Variants in ST3GAL2 observed in about 807,000 individuals in gnomAD.
The protein encoded by ST3GAL2 is CMP-N-acetylneuraminate-beta-galactosamide-alpha-2,3-sialyltransferase 2.
ST3GAL2 carries 16 observed loss-of-function variants against 37.5 expected under a neutral mutation model. That is an observed-to-expected ratio of 0.43 (90% confidence interval 0.29 to 0.65). The LOEUF (loss-of-function observed/expected upper bound fraction) is 0.65, where lower values mean the gene tolerates loss of function less well. Among genes scored for constraint, ST3GAL2 ranks in the 30% least tolerant of loss-of-function variants. The pLI is 0.17. For missense variants in ST3GAL2, 383 were observed against 487.8 expected (o/e 0.79, Z 2.02); for synonymous variants, 238 against 202.9 (o/e 1.17, Z -1.47).
rs1175147258 is a variant in ST3GAL2, at chr16:70,399,268, G to C, written c.-738C>G. ...CCCAGCCCCAGCTGCAGTTGCGTAG[G>C]GGTCGCAAAGCTCCTACTGTGGCTG... On this transcript the variant is annotated 5_prime_UTR_variant, in exon 2 of 7. Transcript: ENST00000342907. 2.5e-6 allele frequency: 1 copy of C among 398,784 alleles called. No individual in the cohort carries two copies. Among genetic ancestry groups the C allele is most frequent in the Non-Finnish European group, 4.4e-6 (1 of 226,290 alleles). 24.7% of individuals were successfully genotyped at this position (398,784 alleles called of 1,614,324 possible). A position where few individuals can be genotyped will look rare whatever the true frequency, so the allele number is the denominator to read the frequency against.
chr16:70,395,812 G>C (rs1298149981), intron 2 of ST3GAL2, among the ~76,000 whole-genome samples: 1 of 152,208 alleles, frequency 6.6e-6, no homozygotes, highest in Non-Finnish European at 1.5e-5. Flanking sequence ...TGACATGGCA[G>C]GTAAGGTCCA....
At chr16:70,433,316 T>G (rs1043321010) in intron 1 of ST3GAL2, among the ~76,000 whole-genome samples, 4 of 152,140 alleles carry the variant, frequency 2.6e-5, no homozygotes, top group Admixed American at 1.3e-4. Flanking sequence ...TGTCCCCTTA[T>G]GACCCAGCCA....
rs2047531133 is a variant in ST3GAL2, at chr16:70,398,307, C to T, written c.224G>A (p.Cys75Tyr). 3 of 1,613,294 alleles carry T rather than the reference C, an allele frequency of 1.9e-6. No individual in the cohort carries two copies. Among genetic ancestry groups the T allele is most frequent in the African/African-American group, 1.3e-5 (1 of 74,968 alleles). Residue 75 changes from cysteine (C) to tyrosine (Y), a missense_variant, in exon 2 of 7, where the codon TGC (cysteine) becomes TAC (tyrosine). This residue lies in a region of ST3GAL2 where 223 missense variants were observed against 239.1 expected (regional missense o/e 0.93). Coordinates refer to ENST00000342907, the MANE Select transcript of ST3GAL2 (RefSeq NM_006927.4). Reference sequence around the variant, plus strand: ...GTCGGAGGCACCGGCATCGCCCATGCAGCGGCGACAGGCACAGCTCTTGCC... The same window carrying T: ...GTCGGAGGCACCGGCATCGCCCATGTAGCGGCGACAGGCACAGCTCTTGCC... ...LSGKSCACRRCMGDAGASDWF... is the reference protein window; with the variant it reads ...LSGKSCACRRYMGDAGASDWF...
rs2047519106 is a variant in ST3GAL2, at chr16:70,396,794, TGTGGCAACCAGATG to T, written c.339+1384_339+1397del. On this transcript the variant is annotated intron_variant, in intron 2 of 6. Coordinates refer to ENST00000342907, the MANE Select transcript of ST3GAL2 (RefSeq NM_006927.4). The stretch of plus-strand genomic sequence containing the variant: ...CTGACATGGCTCCACCCATGACATG[TGTGGCAACCAGATG>T]GCCTGCAGAGCCTGGGGAGTGACAC... 2.0e-5 allele frequency among the ~76,000 whole-genome samples: 3 copies of T among 152,014 alleles called. No homozygotes were observed. In the South Asian group the frequency reaches 6.2e-4, roughly 31 times the overall value.
chr16:70,417,301 C>A (rs1181467244), intron 1 of ST3GAL2, among the ~76,000 whole-genome samples: 3 of 151,768 alleles, frequency 2.0e-5, no homozygotes, highest in African/African-American at 7.3e-5. Context: ...CCAGCCCCAC[C>A]CCACCTTCCC....
At chr16:70,388,199 C>T (rs1331403114) in intron 4 of ST3GAL2, among the ~76,000 whole-genome samples, 168 bp downstream of exon 4, 1 of 152,010 alleles carries the variant, frequency 6.6e-6, no homozygotes, top group Non-Finnish European at 1.5e-5. Flanking sequence ...GGAGGTGACA[C>T]AGAGCAAGCT....
chr16:70,380,742 G>C lies in ST3GAL2; in HGVS notation c.*947C>G, dbSNP rs915945574. 1.7e-4 allele frequency: 26 copies of C among 152,756 alleles called. No individual in the cohort carries two copies. The highest frequency in any genetic ancestry group is 3.2e-4 in the Non-Finnish European group (22 of 68,468). The allele number at this position is 152,756 out of a possible 1,614,324, so 9.5% of individuals were successfully genotyped here. A position where few individuals can be genotyped will look rare whatever the true frequency, so the allele number is the denominator to read the frequency against. On this transcript the variant is annotated 3_prime_UTR_variant, in exon 7 of 7. Coordinates refer to ENST00000342907, the MANE Select transcript of ST3GAL2 (RefSeq NM_006927.4). ...GCAAAGTTACCCCCAGGCAAGAGGC[G>C]ATGGGTGGAGGAGGAGGTACATGCA...
At chr16:70,426,455 C>T (rs1346426893) in intron 1 of ST3GAL2, among the ~76,000 whole-genome samples, 1 of 151,700 alleles carries the variant, frequency 6.6e-6, no homozygotes, top group East Asian at 1.9e-4. Context: ...CTGCCTCGGC[C>T]TCCCAAAGTG....
At chr16:70,428,481 G>A (rs1307856111) in intron 1 of ST3GAL2, among the ~76,000 whole-genome samples, 2 of 152,188 alleles carry the variant, frequency 1.3e-5, no homozygotes, top group African/African-American at 4.8e-5. Context: ...CCCGCTTCCT[G>A]TAAGCACAAT....
rs564252745 is a variant in ST3GAL2 at position 70,436,199 on chromosome 16, G to A, written c.-1004+2750C>T. Among the ~76,000 whole-genome samples, 10 of 151,888 alleles carry A rather than the reference G, an allele frequency of 6.6e-5. No individual in the cohort carries two copies. The South Asian group carries it at 8.3e-4, about 13-fold the overall frequency. On this transcript the variant is annotated intron_variant, in intron 1 of 6. Transcript: ENST00000342907. ...TCCCAGCACTTTGGGAGGCCAAGGC[G>A]GGCGGATCACCTGAGGTCAGGAGTT...
chr16:70,382,288 T>G (rs1216346902), intron 6 of ST3GAL2, among the ~76,000 whole-genome samples: 6 of 151,980 alleles, frequency 3.9e-5, no homozygotes, highest in Non-Finnish European at 7.4e-5. Context: ...TGTTTTTTTT[T>G]CTTTTCTTTT....
chr16:70,427,481 G>A (rs2047759661), intron 1 of ST3GAL2, among the ~76,000 whole-genome samples: 1 of 151,980 alleles, frequency 6.6e-6, no homozygotes, highest in Non-Finnish European at 1.5e-5. Flanking sequence ...TGGGACTACA[G>A]GCCCCCGCCA....
chr16:70,407,613 C>T (rs1360786872), intron 1 of ST3GAL2, among the ~76,000 whole-genome samples: 1 of 152,196 alleles, frequency 6.6e-6, no homozygotes, highest in African/African-American at 2.4e-5. Context: ...ACCCCGCCTT[C>T]CATCCTCAGG....
At chr16:70,428,480 T>C (rs565940695) in intron 1 of ST3GAL2, among the ~76,000 whole-genome samples, 69 of 152,322 alleles carry the variant, frequency 4.5e-4, no homozygotes, top group Non-Finnish European at 7.9e-4. Context: ...CCCCGCTTCC[T>C]GTAAGCACAA....
At chr16:70,406,763 AGAGT>A (rs1240855930) in intron 1 of ST3GAL2, among the ~76,000 whole-genome samples, 6 of 151,806 alleles carry the variant, frequency 4.0e-5, no homozygotes, top group Non-Finnish European at 8.8e-5. Flanking sequence ...CCTGGGTGAC[AGAGT>A]GAGACTCTGT....
At chr16:70,382,778 C>A in intron 6 of ST3GAL2, 27 bp downstream of exon 6, 1 of 1,613,508 alleles carries the variant, frequency 6.2e-7, no homozygotes, top group South Asian at 1.1e-5. Flanking sequence ...CATGGGTTCC[C>A]ACCACCCACA....
intron 1 of ST3GAL2, among the ~76,000 whole-genome samples, chr16:70,418,762 C>G (rs978431783): frequency 2.0e-5 from 3 of 152,182 alleles, no homozygotes; most frequent in Non-Finnish European, 2.9e-5. Context: ...AAGAGAACCT[C>G]TGTGCACTCT....
intron 1 of ST3GAL2, among the ~76,000 whole-genome samples, chr16:70,432,477 C>T (rs1014017621): frequency 2.0e-5 from 3 of 152,110 alleles, no homozygotes; most frequent in African/African-American, 7.2e-5. Flanking sequence ...GCCCTGGAAC[C>T]CTACAAGGTC....
At position 70,378,658 on chromosome 16, in the gene ST3GAL2, C is replaced by T. The variant is rs1323364734; in HGVS notation, c.*3031G>A. 8.0e-5 allele frequency: 12 copies of T among 150,914 alleles called. No individual in the cohort carries two copies. The highest frequency in any genetic ancestry group is 2.4e-4 in the African/African-American group (10 of 40,844). 9.3% of individuals were successfully genotyped at this position (150,914 alleles called of 1,614,324 possible). ...CGGAGCTTGCAATGAGCCGAGATCC[C>T]ACCACTGCACTCCAGCCTGGGCGAG... On this transcript the variant is annotated 3_prime_UTR_variant, in exon 7 of 7. Coordinates refer to ENST00000342907, the MANE Select transcript of ST3GAL2 (RefSeq NM_006927.4).
Sources: gnomAD v4.1 joint callset for allele counts (sites outside exome capture counted in the v4.1 genomes callset) on GRCh38, gnomAD v4.1.1 for gene constraint, gnomAD v4.1.1 regional missense constraint, MANE v1.5 for transcripts, NCBI Gene and HGNC (gene_info 2026-07-23, HGNC 2026-07-21) for gene names.